Variants in MRAS observed in about 807,000 individuals in gnomAD.
MRAS encodes the protein ras-related protein M-Ras.
MRAS carries 4 observed loss-of-function variants against 20.9 expected under a neutral mutation model. The observed-to-expected ratio is 0.19, with a 90% CI of 0.09 to 0.44. MRAS has a LOEUF of 0.44. MRAS is among the 20% of genes least tolerant of loss of function. The pLI is 0.99. For missense variants in MRAS, 154 were observed against 277.5 expected (o/e 0.56, Z 3.16); for synonymous variants, 98 against 102.9 (o/e 0.95, Z 0.29).
intron 5 of MRAS, among the ~76,000 whole-genome samples, chr3:138,401,768 A>G (rs763681600): frequency 1.3e-5 from 2 of 152,350 alleles, no homozygotes; most frequent in Non-Finnish European, 2.9e-5. Flanking sequence ...AGTTAACAGA[A>G]AACATGAAAT....
At chr3:138,396,315 G>A (rs2055234400) in intron 2 of MRAS, among the ~76,000 whole-genome samples, 1 of 152,196 alleles carries the variant, frequency 6.6e-6, no homozygotes, top group Non-Finnish European at 1.5e-5. Flanking sequence ...CTTGCCTGGG[G>A]TCACACCCAG....
chr3:138,362,353 T>C (rs1048976773), intron 1 of MRAS, among the ~76,000 whole-genome samples: 3 of 152,102 alleles, frequency 2.0e-5, no homozygotes, highest in Non-Finnish European at 4.4e-5. Context: ...GTAGAATGCC[T>C]CTCTCCCCTT....
intron 1 of MRAS, among the ~76,000 whole-genome samples, chr3:138,370,356 T>C (rs1159429763): frequency 6.6e-6 from 1 of 152,120 alleles, no homozygotes; most frequent in Non-Finnish European, 1.5e-5. Context: ...CTTTCACCCA[T>C]AGCCCAGCGT....
intron 2 of MRAS, among the ~76,000 whole-genome samples, chr3:138,386,349 G>C (rs2055014134): frequency 6.6e-6 from 1 of 152,014 alleles, no homozygotes; most frequent in Non-Finnish European, 1.5e-5. Flanking sequence ...TTTCATGGAA[G>C]CAGAATGGGA....
intron 1 of MRAS, among the ~76,000 whole-genome samples, chr3:138,364,573 C>T (rs528367509): frequency 5.3e-5 from 8 of 152,274 alleles, no homozygotes; most frequent in Non-Finnish European, 1.0e-4. Context: ...GGGAACAGCT[C>T]GAGTGTAGGA....
intron 1 of MRAS, among the ~76,000 whole-genome samples, chr3:138,353,947 C>G (rs967703477): frequency 1.3e-5 from 2 of 152,182 alleles, no homozygotes; most frequent in Admixed American, 6.5e-5. Context: ...TCCGTTAGAC[C>G]GTGCTGTTCC....
At chr3:138,401,080 A>G (rs1206793915) in intron 5 of MRAS, among the ~76,000 whole-genome samples, 4 of 151,942 alleles carry the variant, frequency 2.6e-5, no homozygotes, top group Admixed American at 1.3e-4. Flanking sequence ...TCCTTTCCCA[A>G]CCCCACCAGC....
intron 2 of MRAS, among the ~76,000 whole-genome samples, chr3:138,394,041 A>T (rs1017678588): frequency 1.3e-4 from 19 of 150,880 alleles, no homozygotes; most frequent in East Asian, 1.2e-3. Context: ...AACCAAATGC[A>T]TGCTGTTTCC....
intron 1 of MRAS, among the ~76,000 whole-genome samples, chr3:138,368,281 TGTGA>T (rs1456953857): frequency 6.6e-6 from 1 of 152,164 alleles, no homozygotes; most frequent in African/African-American, 2.4e-5. Flanking sequence ...TGTGTGTGTG[TGTGA>T]GTGTGTATGT....
chr3:138,358,296 C>T (rs1260820681), intron 1 of MRAS, among the ~76,000 whole-genome samples: 2 of 150,912 alleles, frequency 1.3e-5, no homozygotes, highest in Non-Finnish European at 1.5e-5. Flanking sequence ...AAGATTGTGC[C>T]ATTGCACTCC....
Position 138,372,946 on chromosome 3 carries a change from TG to T in MRAS, c.68del (p.Gly23ValfsTer29), listed in dbSNP as rs1375027098. ...CATACAAGCTGGTGGTGGTGGGGGA[TG>T]GGGGTGTGGGCAAAAGTGCCCTCAC... ...PTYKLVVVGD[G>X]GVGKSALTIQ... On this transcript the variant is annotated frameshift_variant, in exon 2 of 6. Transcript: ENST00000423968. LOFTEE classifies it high-confidence loss of function. 3 of 1,563,320 alleles carry T rather than the reference TG, an allele frequency of 1.9e-6. No homozygotes were observed. The highest frequency in any genetic ancestry group is 1.2e-5 in the South Asian group (1 of 83,642).
intron 1 of MRAS, among the ~76,000 whole-genome samples, chr3:138,352,926 G>A (rs1235620413): frequency 6.6e-6 from 1 of 152,062 alleles, no homozygotes; most frequent in Non-Finnish European, 1.5e-5. Flanking sequence ...TCGTCATGGG[G>A]ATTAGATAAA....
chr3:138,397,386 G>C lies in MRAS; in HGVS notation c.256G>C (p.Asp86His), dbSNP rs1206818028. 1 of 1,614,046 alleles carries C rather than the reference G, an allele frequency of 6.2e-7. No individual in the cohort carries two copies. The change falls in exon 3 of 6, where the codon GAT (aspartate) becomes CAT (histidine). Residue 86 changes from aspartate to histidine, a missense_variant. Physicochemically the swap from Asp to His is moderately conservative, Grantham distance 81 (BLOSUM62 -1). Transcript: ENST00000423968. ...GCGGGAGCAATACATGCGCACGGGG[G>C]ATGGCTTCCTCATCGTCTACTCCGT... ...AMREQYMRTG[D>H]GFLIVYSVTD...
intron 4 of MRAS, among the ~76,000 whole-genome samples, chr3:138,399,018 T>C (rs1441471771): frequency 1.3e-5 from 2 of 152,208 alleles, no homozygotes; most frequent in Non-Finnish European, 2.9e-5. Context: ...AGGGGCCCCA[T>C]AGGACTCTAC....
At chr3:138,356,089 A>G (rs932884577) in intron 1 of MRAS, among the ~76,000 whole-genome samples, 3 of 152,224 alleles carry the variant, frequency 2.0e-5, no homozygotes, top group Non-Finnish European at 4.4e-5. Context: ...GCAGTTGAAC[A>G]TATTATACAA....
chr3:138,396,353 G>A (rs2055235265), intron 2 of MRAS, among the ~76,000 whole-genome samples: 1 of 152,220 alleles, frequency 6.6e-6, no homozygotes, highest in South Asian at 2.1e-4. Context: ...CCGCCCAGTG[G>A]GCTGGCTCCA....
rs1229583045 is a variant in MRAS at position 138,402,583 on chromosome 3, C to T, written c.*314C>T. 4 of 317,910 alleles carry T rather than the reference C, an allele frequency of 1.3e-5. No individual in the cohort carries two copies. The East Asian group carries it at 1.6e-4, about 13-fold the overall frequency. 19.7% of individuals were successfully genotyped at this position (317,910 alleles called of 1,614,324 possible). A position where few individuals can be genotyped will look rare whatever the true frequency, so the allele number is the denominator to read the frequency against. On this transcript the variant is annotated 3_prime_UTR_variant, in exon 6 of 6. Transcript: ENST00000423968. ...GTGGGTGTGTTGTTTATTGTAACTACATAGTGTTGGTTTGATGTGGAAGTG... is the reference window on the plus strand; with the variant it reads ...GTGGGTGTGTTGTTTATTGTAACTATATAGTGTTGGTTTGATGTGGAAGTG...
At chr3:138,377,556 C>G (rs1042461912) in intron 2 of MRAS, among the ~76,000 whole-genome samples, 2 of 152,196 alleles carry the variant, frequency 1.3e-5, no homozygotes, top group Non-Finnish European at 2.9e-5. Flanking sequence ...GTGAGTAACT[C>G]TGAACCTTTC....
chr3:138,377,336 G>T (rs921392682), intron 2 of MRAS, among the ~76,000 whole-genome samples: 1 of 152,238 alleles, frequency 6.6e-6, no homozygotes, highest in South Asian at 2.1e-4. Context: ...GCCGGGTGCG[G>T]TGGCTCACGC....
Sources: allele counts gnomAD v4.1 joint callset (sites outside exome capture counted in the v4.1 genomes callset), GRCh38; gene constraint gnomAD v4.1.1; transcripts MANE v1.5; gene names NCBI Gene and HGNC (gene_info 2026-07-23, HGNC 2026-07-21).